The following TTC7B variants were observed in gnomAD, a reference collection of about 807,000 sequenced individuals.
The protein encoded by TTC7B is tetratricopeptide repeat domain 7B, also known as tetratricopeptide repeat protein 7B.
A neutral mutation model predicts 106.8 loss-of-function variants in TTC7B; 28 were observed. That is an observed-to-expected ratio of 0.26 (90% confidence interval 0.19 to 0.36). The LOEUF (loss-of-function observed/expected upper bound fraction) is 0.36, where lower values mean the gene tolerates loss of function less well. TTC7B is among the 10% of genes least tolerant of loss of function. The probability of loss-of-function intolerance (pLI) is 1.00; values close to 1 mark genes in which losing one functional copy is unlikely to be tolerated. For synonymous variants in TTC7B, 405 were observed against 430.6 expected (o/e 0.94, Z 0.74); for missense variants, 862 against 1,076.4 (o/e 0.80, Z 2.79).
chr14:90,605,958 T>C (rs1307275304), intron 17 of TTC7B, among the ~76,000 whole-genome samples: 1 of 152,226 alleles, frequency 6.6e-6, no homozygotes, highest in East Asian at 1.9e-4. Flanking sequence ...ACTGGTTATT[T>C]AGTTGGTCCG....
At chr14:90,763,055 A>T (rs530884354) in intron 3 of TTC7B, among the ~76,000 whole-genome samples, 1 of 152,354 alleles carries the variant, frequency 6.6e-6, no homozygotes, top group Non-Finnish European at 1.5e-5. Flanking sequence ...CTATGACACC[A>T]GCGTAACATT....
intron 3 of TTC7B, among the ~76,000 whole-genome samples, chr14:90,749,696 C>T (rs1258454035): frequency 1.3e-5 from 2 of 151,546 alleles, no homozygotes; most frequent in Non-Finnish European, 2.9e-5. Flanking sequence ...TGAGCCACCG[C>T]ACCTGGCCAA....
intron 15 of TTC7B, among the ~76,000 whole-genome samples, chr14:90,621,505 C>T (rs1031268789): frequency 3.3e-5 from 5 of 151,852 alleles, no homozygotes; most frequent in African/African-American, 4.8e-5. Context: ...GCAGAAGCCA[C>T]GTGGGTACGG....
At chr14:90,780,956 T>C (rs745795985) in intron 2 of TTC7B, 50 bp from the exon 3 acceptor site, 21 of 1,561,800 alleles carry the variant, frequency 1.3e-5, no homozygotes, top group Non-Finnish European at 1.8e-5. Flanking sequence ...ATATCAGGCA[T>C]GATGCTCCCT....
intron 1 of TTC7B, among the ~76,000 whole-genome samples, chr14:90,793,696 C>G (rs1891668542): frequency 6.6e-6 from 1 of 151,100 alleles, no homozygotes; most frequent in African/African-American, 2.4e-5. Flanking sequence ...GCAACCTCCA[C>G]CTCCTGGGTT....
intron 5 of TTC7B, among the ~76,000 whole-genome samples, chr14:90,726,647 C>T (rs572991813): frequency 6.6e-6 from 1 of 152,332 alleles, no homozygotes; most frequent in East Asian, 1.9e-4. Context: ...CACCCTACTA[C>T]ACAGATAAAG....
At chr14:90,642,401 T>A (rs1885219372) in intron 15 of TTC7B, among the ~76,000 whole-genome samples, 1 of 152,140 alleles carries the variant, frequency 6.6e-6, no homozygotes, top group East Asian at 1.9e-4. Context: ...GATGAGGCAG[T>A]GAAATAAAGC....
intron 18 of TTC7B, among the ~76,000 whole-genome samples, chr14:90,581,111 C>G (rs1224814218): frequency 6.6e-6 from 1 of 152,190 alleles, no homozygotes; most frequent in South Asian, 2.1e-4. Context: ...TGCCTTCTGT[C>G]TGTACTTGTG....
rs774452817 is a variant in TTC7B at position 90,593,573 on chromosome 14, C to G, written c.2020G>C (p.Glu674Gln). The G allele has an allele frequency of 2.5e-6, 4 of 1,612,714 alleles. 1 individual carries two copies. In the Middle Eastern group the frequency reaches 5.0e-4, roughly 200 times the overall value. The change falls in exon 18 of 20, where the codon GAA becomes CAA. Residue 674 changes from glutamate to glutamine, a missense_variant. Transcript: ENST00000328459. Reference protein sequence around the residue: ...AASRVEQALSEVASSLQSSAP... With the variant: ...AASRVEQALSQVASSLQSSAP... ...CTGCTCTGCAGAGACGAAGCCACTT[C>G]CGACAGTGCCTGCTCCACTCTTGAG...
chr14:90,633,787 T>C (rs55867224), intron 15 of TTC7B, among the ~76,000 whole-genome samples: 6,817 of 152,288 alleles, frequency 0.045, 219 homozygotes, highest in Middle Eastern at 0.092. Context: ...TCAGGGCTCT[T>C]GTGGCAAATT....
intron 5 of TTC7B, among the ~76,000 whole-genome samples, chr14:90,709,852 T>G (rs1394007697): frequency 6.6e-6 from 1 of 151,564 alleles, no homozygotes; most frequent in Non-Finnish European, 1.5e-5. Context: ...TAATTTATGT[T>G]TGAGGGCTCA....
Position 90,539,233 on chromosome 14 carries a change from G to A in TTC7B, c.*2135C>T, listed in dbSNP as rs1889496076. The A allele has an allele frequency of 6.6e-6, 1 of 152,520 alleles. No individual in the cohort carries two copies. The highest frequency in any genetic ancestry group is 1.5e-5 in the Non-Finnish European group (1 of 68,312). The allele number at this position is 152,520 out of a possible 1,614,324, so 9.4% of individuals were successfully genotyped here. ...AGAGGTGCCGGGCAGACACACAGGA[G>A]CCAGCCCCCGCGCCCTGCAGGGCTG... On this transcript the variant is annotated 3_prime_UTR_variant, in exon 20 of 20. Transcript: ENST00000328459.
intron 5 of TTC7B, among the ~76,000 whole-genome samples, chr14:90,728,275 A>G (rs1595327754): frequency 1.4e-5 from 2 of 139,766 alleles, no homozygotes; most frequent in African/African-American, 2.7e-5. Context: ...AGGCAGGCAG[A>G]TCCCTTGAGC....
Position 90,631,569 on chromosome 14 carries a change from C to T in TTC7B, c.1751+12479G>A, listed in dbSNP as rs143217060. Among the ~76,000 whole-genome samples, 665 of 151,752 alleles carry T rather than the reference C, an allele frequency of 4.4e-3. 2 individuals are homozygous for T. The highest frequency in any genetic ancestry group is 0.015 in the African/African-American group (619 of 41,372). On this transcript the variant is annotated intron_variant, in intron 15 of 19. Transcript: ENST00000328459. ...GACTACAGGCACATGTTACCACACC[C>T]GGCTAATTTTTTATTTTTAGTAGAG...
chr14:90,627,508 T>A (rs1452892256), intron 15 of TTC7B, among the ~76,000 whole-genome samples: 1 of 152,230 alleles, frequency 6.6e-6, no homozygotes, highest in Non-Finnish European at 1.5e-5. Context: ...CAAAGTATGA[T>A]GAGGAGATAC....
At chr14:90,715,747 C>T (rs1388241219) in intron 5 of TTC7B, among the ~76,000 whole-genome samples, 2 of 152,130 alleles carry the variant, frequency 1.3e-5, no homozygotes, top group Admixed American at 1.3e-4. Context: ...GTGTATCTGG[C>T]CTTGTAGATT....
intron 18 of TTC7B, among the ~76,000 whole-genome samples, chr14:90,580,810 T>C (rs1055626166): frequency 6.6e-6 from 1 of 152,170 alleles, no homozygotes. Context: ...CCTGTAAGTA[T>C]TTTTGTGAGG....
rs1447875157 is a variant in TTC7B at position 90,663,719 on chromosome 14, C to G, written c.1153-5332G>C. Among the ~76,000 whole-genome samples the G allele has an allele frequency of 6.6e-6, 1 of 152,206 alleles. No homozygotes were observed. The highest frequency in any genetic ancestry group is 1.5e-5 in the Non-Finnish European group (1 of 68,050). On this transcript the variant is annotated intron_variant, in intron 9 of 19. Transcript: ENST00000328459. The surrounding 1 kb of genome is among the most constrained non-coding windows in gnomAD (Gnocchi z 4.5). ...AATGATAACAACCCACCTCCCCTAA[C>G]AAGCCATGAGGGTGTCCTAAAGAGA...
intron 3 of TTC7B, among the ~76,000 whole-genome samples, chr14:90,770,393 A>G (rs976627810): frequency 6.6e-6 from 1 of 152,202 alleles, no homozygotes; most frequent in Non-Finnish European, 1.5e-5. Context: ...GCGGTGGCTC[A>G]CGCCTGTAAT....
Sources: allele counts gnomAD v4.1 joint callset (sites outside exome capture counted in the v4.1 genomes callset), GRCh38; gene constraint gnomAD v4.1.1; non-coding constraint Gnocchi (gnomAD v3.1); transcripts MANE v1.5; gene names NCBI Gene and HGNC (gene_info 2026-07-23, HGNC 2026-07-21).